KREMEN1: variants seen among roughly 807,000 people sequenced by gnomAD.
The protein encoded by KREMEN1 is kringle containing transmembrane protein 1, also known as kremen protein 1.
Under a neutral mutation model 46.5 loss-of-function variants are expected in KREMEN1, and 30 were observed. The ratio of observed to expected loss-of-function variants is 0.65; its 90% confidence interval spans 0.48 to 0.88. The LOEUF is 0.88. Among genes scored for constraint, KREMEN1 ranks in the 40% least tolerant of loss-of-function variants. The probability of loss-of-function intolerance (pLI) is 0.00; values close to 1 mark genes in which losing one functional copy is unlikely to be tolerated. For synonymous variants in KREMEN1, 214 were observed against 230.6 expected, an observed-to-expected ratio of 0.93 and a Z score of 0.65; for missense variants, 533 against 596.9, an observed-to-expected ratio of 0.89 and a Z score of 1.11.
intron 3 of KREMEN1, among the ~76,000 whole-genome samples, chr22:29,103,187 T>C (rs1307657433): frequency 6.6e-6 from 1 of 152,224 alleles, no homozygotes; most frequent in African/African-American, 2.4e-5. Context: ...CTGCTATTCA[T>C]GATTAGTATT....
intron 3 of KREMEN1, among the ~76,000 whole-genome samples, chr22:29,099,839 C>T (rs969331430): frequency 5.3e-5 from 8 of 151,738 alleles, no homozygotes; most frequent in African/African-American, 1.9e-4. Context: ...TGAGCCACCA[C>T]ACCCGGCACC....
At chr22:29,077,978 G>A (rs1455519020) in intron 1 of KREMEN1, among the ~76,000 whole-genome samples, 2 of 152,158 alleles carry the variant, frequency 1.3e-5, no homozygotes, top group African/African-American at 4.8e-5. Context: ...TAGACCAGGT[G>A]CAGTGGCTCA....
intron 5 of KREMEN1, among the ~76,000 whole-genome samples, chr22:29,130,387 C>T (rs1368519106): frequency 6.6e-6 from 1 of 152,138 alleles, no homozygotes; most frequent in South Asian, 2.1e-4. Flanking sequence ...TTCTGAGGTG[C>T]AACATTATTT....
Position 29,109,886 on chromosome 22 carries a change from A to G in KREMEN1, c.352+10933A>G, listed in dbSNP as rs79844609. ...GACAGAACTTGTTGACAAGTGGAAT[A>G]TGTAAGGGATAAAACAGCAGGAAGA... On this transcript the variant is annotated intron_variant, in intron 3 of 8. Coordinates refer to ENST00000400335, the MANE Select transcript of KREMEN1 (RefSeq NM_001039570.3). Among the ~76,000 whole-genome samples, 463 of 152,282 alleles carry G rather than the reference A, an allele frequency of 3.0e-3. 2 individuals carry two copies. The highest frequency in any genetic ancestry group is 5.2e-3 in the Non-Finnish European group (357 of 68,030).
rs2038035402 is a variant in KREMEN1 at position 29,105,143 on chromosome 22, G to A, written c.352+6190G>A. Among the ~76,000 whole-genome samples, 8 of 152,214 alleles carry A rather than the reference G, an allele frequency of 5.3e-5. 1 individual carries two copies. The South Asian group carries it at 1.7e-3, about 32-fold the overall frequency. On this transcript the variant is annotated intron_variant, in intron 3 of 8. Coordinates refer to ENST00000400335, the MANE Select transcript of KREMEN1 (RefSeq NM_001039570.3). ...GCAAAAGGTTCGGAGCACCCAGGAG[G>A]GCCATCTGTCTGGCATGGTAGGGAG...
At position 29,142,163 on chromosome 22, in the gene KREMEN1, C is replaced by A; in HGVS notation, c.*51C>A. The A allele has an allele frequency of 6.7e-7, 1 of 1,488,306 alleles. No individual in the cohort carries two copies. Among genetic ancestry groups the A allele is most frequent in the Non-Finnish European group, 8.9e-7 (1 of 1,119,056 alleles). 92.2% of individuals were successfully genotyped at this position (1,488,306 alleles called of 1,614,324 possible). A position where few individuals can be genotyped will look rare whatever the true frequency, so the allele number is the denominator to read the frequency against. On this transcript the variant is annotated 3_prime_UTR_variant, in exon 9 of 9. Coordinates refer to ENST00000400335, the MANE Select transcript of KREMEN1 (RefSeq NM_001039570.3). ...GGTCCCTCTTTGAGCTCAAGGCTGC[C>A]GTGGTCAACCTCTCCTGTGGTTCTT... is the stretch of plus-strand genomic sequence containing the variant.
intron 3 of KREMEN1, among the ~76,000 whole-genome samples, chr22:29,111,201 G>A (rs2038140597): frequency 2.0e-5 from 3 of 151,820 alleles, no homozygotes; most frequent in African/African-American, 7.3e-5. Flanking sequence ...CCAGCTACTC[G>A]GGAGGCTGAG....
In KREMEN1 at chr22:29,138,577, G is replaced by C. The variant is rs1291317990; in HGVS notation, c.965-47G>C. ...GTGCTCTCCTCCCGCACAACTCTTT[G>C]TTGTCTCCATAGCCCTGTCCCCAGT... On this transcript the variant is annotated intron_variant, in intron 6 of 8. Coordinates refer to ENST00000400335, the MANE Select transcript of KREMEN1 (RefSeq NM_001039570.3). The C allele has an allele frequency of 8.3e-6, 13 of 1,567,706 alleles. No individual in the cohort carries two copies. The East Asian group carries it at 2.7e-4, about 32-fold the overall frequency.
intron 1 of KREMEN1, among the ~76,000 whole-genome samples, chr22:29,092,176 G>A (rs183679932): frequency 1.3e-5 from 2 of 152,320 alleles, no homozygotes; most frequent in East Asian, 3.9e-4. Flanking sequence ...ATCAAAGATG[G>A]AGAGAAGGCA....
In KREMEN1 at chr22:29,125,219, A is replaced by G. The variant is rs371124583; in HGVS notation, c.478-44A>G. 6.2e-6 allele frequency: 10 copies of G among 1,600,940 alleles called. No individual in the cohort carries two copies. In the African/African-American group the frequency reaches 1.2e-4, roughly 19 times the overall value. On this transcript the variant is annotated intron_variant, in intron 4 of 8. Coordinates refer to ENST00000400335, the MANE Select transcript of KREMEN1 (RefSeq NM_001039570.3). ...GCCAGGCTCCTTCAGGCCATCTGAC[A>G]TCCCTGATGATGCTTACCGTGTGCT... is the stretch of plus-strand genomic sequence containing the variant.
In KREMEN1 at chr22:29,146,093, C is replaced by T. The variant is rs573494307; in HGVS notation, c.*3981C>T. 1.5e-4 allele frequency: 144 copies of T among 985,976 alleles called. No individual in the cohort carries two copies. The highest frequency in any genetic ancestry group is 2.3e-4 in the East Asian group (2 of 8,822). The allele number at this position is 985,976 out of a possible 1,614,324, so 61.1% of individuals were successfully genotyped here. A position where few individuals can be genotyped will look rare whatever the true frequency, so the allele number is the denominator to read the frequency against. ...TGCTGAGGTCAGGCCAGGTCTCCCA[C>T]GGAGCCGGGCAGCTCCACACCCCAC... On this transcript the variant is annotated 3_prime_UTR_variant, in exon 9 of 9. Coordinates refer to ENST00000400335, the MANE Select transcript of KREMEN1 (RefSeq NM_001039570.3).
At chr22:29,137,279 G>A (rs1415899575) in intron 5 of KREMEN1, 63 bp from the exon 6 acceptor site, 2 of 1,209,842 alleles carry the variant, frequency 1.7e-6, no homozygotes, top group African/African-American at 3.1e-5. Flanking sequence ...GTGCCTTGGT[G>A]TTGGAAGCGC....
chr22:29,077,435 C>T (rs974213474), intron 1 of KREMEN1, among the ~76,000 whole-genome samples: 17 of 152,158 alleles, frequency 1.1e-4, no homozygotes, highest in Non-Finnish European at 2.1e-4. Flanking sequence ...CTGCAACCTC[C>T]GCTTCCCGGG....
chr22:29,119,620 C>A (rs887375251), intron 3 of KREMEN1, among the ~76,000 whole-genome samples: 1 of 152,194 alleles, frequency 6.6e-6, no homozygotes, highest in Non-Finnish European at 1.5e-5. Context: ...GACCAAGTGT[C>A]ACGGGGGTAT....
intron 3 of KREMEN1, among the ~76,000 whole-genome samples, chr22:29,104,331 A>AT (rs1034333130): frequency 2.6e-5 from 4 of 151,652 alleles, no homozygotes; most frequent in Non-Finnish European, 5.9e-5. Flanking sequence ...TGATTTTTGT[A>AT]TTTTTTGTAG....
chr22:29,124,822 A>G (rs951453502), intron 4 of KREMEN1, among the ~76,000 whole-genome samples: 24 of 152,198 alleles, frequency 1.6e-4, no homozygotes, highest in African/African-American at 5.8e-4. Flanking sequence ...CAAGTGTTAA[A>G]ATTTATAGAA....
chr22:29,083,790 C>T (rs1490739082), intron 1 of KREMEN1, among the ~76,000 whole-genome samples: 1 of 152,024 alleles, frequency 6.6e-6, no homozygotes, highest in Non-Finnish European at 1.5e-5. Context: ...TGAGATTGCG[C>T]CACCGCACTC....
chr22:29,106,366 G>A (rs1268375213), intron 3 of KREMEN1, among the ~76,000 whole-genome samples: 4 of 151,176 alleles, frequency 2.6e-5, no homozygotes, highest in Admixed American at 1.3e-4. Context: ...GACTCCAGGC[G>A]CCCGCCATCA....
intron 1 of KREMEN1, among the ~76,000 whole-genome samples, chr22:29,091,677 C>T (rs550464563): frequency 1.3e-5 from 2 of 152,270 alleles, no homozygotes; most frequent in African/African-American, 4.8e-5. Flanking sequence ...CCTGCTCTAG[C>T]TCTGGGATTG....
Sources: allele counts gnomAD v4.1 joint callset (sites outside exome capture counted in the v4.1 genomes callset), GRCh38; gene constraint gnomAD v4.1.1; transcripts MANE v1.5; gene names NCBI Gene and HGNC (gene_info 2026-07-23, HGNC 2026-07-21).